Variants in PLEK observed in about 807,000 individuals in gnomAD.
The protein encoded by PLEK is pleckstrin, also known as platelet 47 kDa protein.
PLEK carries 25 observed loss-of-function variants against 43.9 expected under a neutral mutation model. The observed-to-expected ratio is 0.57, with a 90% CI of 0.41 to 0.79. PLEK has a LOEUF of 0.79. PLEK is among the 30% of genes least tolerant of loss of function. The pLI is 0.00. For synonymous variants in PLEK, 152 were observed against 144.4 expected, an observed-to-expected ratio of 1.05 and a Z score of -0.38; for missense variants, 396 against 413.3, an observed-to-expected ratio of 0.96 and a Z score of 0.36.
intron 1 of PLEK, among the ~76,000 whole-genome samples, chr2:68,378,866 A>C (rs962604757): frequency 2.0e-5 from 3 of 152,206 alleles, no homozygotes; most frequent in Non-Finnish European, 4.4e-5. Flanking sequence ...GCGATGGCTC[A>C]CACCTGTAAT....
intron 1 of PLEK, among the ~76,000 whole-genome samples, chr2:68,375,493 T>A (rs1047241957): frequency 6.6e-6 from 1 of 152,264 alleles, no homozygotes; most frequent in African/African-American, 2.4e-5. Flanking sequence ...GTGTCTGATC[T>A]TGCTCATTTT....
In PLEK at chr2:68,380,752, G is replaced by T; in HGVS notation, c.228G>T (p.Gln76His). Residue 76 changes from glutamine (Q) to histidine (H), a missense_variant, in exon 3 of 9, where the codon CAG becomes CAT. Gln to His is a conservative substitution (Grantham distance 24). Coordinates refer to ENST00000234313, the MANE Select transcript of PLEK (RefSeq NM_002664.3). ...TGTTTAAGATCACTACGACCAAACA[G>T]CAGGACCACTTCTTCCAGGCAGCCT... Reference protein sequence around the residue: ...MFVFKITTTKQQDHFFQAAFL... With the variant: ...MFVFKITTTKHQDHFFQAAFL... 6.2e-7 allele frequency: 1 copy of T among 1,613,960 alleles called. No individual in the cohort carries two copies. Among genetic ancestry groups the T allele is most frequent in the Non-Finnish European group, 8.5e-7 (1 of 1,179,878 alleles).
intron 7 of PLEK, 81 bp downstream of exon 7, chr2:68,393,326 A>C: frequency 3.2e-6 from 3 of 945,496 alleles, no homozygotes; most frequent in Non-Finnish European, 3.5e-6. Flanking sequence ...TCCCCTCTCT[A>C]CTCTGTTGAT....
At chr2:68,385,254 T>G (rs1673714392) in intron 4 of PLEK, among the ~76,000 whole-genome samples, 1 of 152,252 alleles carries the variant, frequency 6.6e-6, no homozygotes, top group African/African-American at 2.4e-5. Flanking sequence ...TATCTTTTTT[T>G]GTTGTAAGAA....
chr2:68,384,417 G>A (rs1673696375), intron 4 of PLEK, among the ~76,000 whole-genome samples: 1 of 152,044 alleles, frequency 6.6e-6, no homozygotes, highest in African/African-American at 2.4e-5. Flanking sequence ...TAGATTCGGG[G>A]TTTCACCATG....
chr2:68,367,599 G>A (rs1339871931), intron 1 of PLEK, among the ~76,000 whole-genome samples: 2 of 152,140 alleles, frequency 1.3e-5, no homozygotes, highest in Non-Finnish European at 2.9e-5. Context: ...CCTCACGTGT[G>A]GGTTAAAAAC....
At chr2:68,379,868 A>G (rs1435103206) in intron 1 of PLEK, among the ~76,000 whole-genome samples, 1 of 152,198 alleles carries the variant, frequency 6.6e-6, no homozygotes, top group East Asian at 1.9e-4. Flanking sequence ...TGTAATTGCC[A>G]TGGAGAAGGA....
In PLEK at chr2:68,396,185, G is replaced by A. The variant is rs562565186; in HGVS notation, c.*369G>A. The stretch of plus-strand genomic sequence containing the variant: ...AATCTGCCCCATGATTCTAACACTC[G>A]CAGTAGTGATAGTGTATCTAGTTGT... On this transcript the variant is annotated 3_prime_UTR_variant, in exon 9 of 9. Transcript: ENST00000234313. 78 of 194,858 alleles carry A rather than the reference G, an allele frequency of 4.0e-4. 3 individuals are homozygous for A. In the South Asian group the frequency reaches 6.6e-3, roughly 16 times the overall value. The allele number at this position is 194,858 out of a possible 1,614,324, so 12.1% of individuals were successfully genotyped here.
chr2:68,394,063 C>T (rs747944017), intron 7 of PLEK, 44 bp from the exon 8 acceptor site: 10 of 1,279,320 alleles, frequency 7.8e-6, no homozygotes, highest in South Asian at 7.1e-5. Flanking sequence ...TCTATCTATA[C>T]TCTGCATTTT....
chr2:68,386,437 G>A, intron 4 of PLEK, 65 bp from the exon 5 acceptor site: 1 of 1,305,740 alleles, frequency 7.7e-7, no homozygotes. Flanking sequence ...TCAGTTCAGG[G>A]GTGATTGTCA....
intron 1 of PLEK, among the ~76,000 whole-genome samples, chr2:68,371,946 G>A (rs950789345): frequency 1.3e-5 from 2 of 152,018 alleles, no homozygotes; most frequent in Non-Finnish European, 2.9e-5. Context: ...TTCTTTGATT[G>A]CAGTTGAAGC....
Position 68,395,886 on chromosome 2 carries a change from C to A in PLEK, c.*70C>A, listed in dbSNP as rs938078817. The A allele has an allele frequency of 4.3e-6, 6 of 1,380,738 alleles. No individual in the cohort carries two copies. Among genetic ancestry groups the A allele is most frequent in the East Asian group, 2.3e-5 (1 of 43,024 alleles). 85.5% of individuals were successfully genotyped at this position (1,380,738 alleles called of 1,614,324 possible). On this transcript the variant is annotated 3_prime_UTR_variant, in exon 9 of 9. Coordinates refer to ENST00000234313, the MANE Select transcript of PLEK (RefSeq NM_002664.3). ...ACAAGCTCAGTCCAGGACCTGTCCACTTCTGTGACAAATCAACGGGAAACA... is the reference window on the plus strand; with the variant it reads ...ACAAGCTCAGTCCAGGACCTGTCCAATTCTGTGACAAATCAACGGGAAACA...
intron 1 of PLEK, among the ~76,000 whole-genome samples, chr2:68,370,483 TTTTA>T (rs928007417): frequency 1.3e-5 from 2 of 152,122 alleles, no homozygotes; most frequent in African/African-American, 2.4e-5. Context: ...TTTATTTTTA[TTTTA>T]TTTATTTATG....
intron 1 of PLEK, among the ~76,000 whole-genome samples, chr2:68,373,203 A>G (rs1404149906): frequency 2.6e-5 from 4 of 152,214 alleles, no homozygotes; most frequent in African/African-American, 9.6e-5. Context: ...GGTGAAGAGG[A>G]GAGAAAAACC....
chr2:68,380,673 C>T (rs754264053), intron 2 of PLEK, 50 bp from the exon 3 acceptor site: 1 of 1,583,998 alleles, frequency 6.3e-7, no homozygotes, highest in Admixed American at 1.7e-5. Flanking sequence ...ATGAGGGGCC[C>T]CAAGCCCTTG....
Position 68,392,576 on chromosome 2 carries a change from A to C in PLEK, c.763-586A>C, listed in dbSNP as rs529718807. Among the ~76,000 whole-genome samples the C allele has an allele frequency of 7.2e-5, 11 of 152,270 alleles. 1 individual carries two copies. The East Asian group carries it at 2.1e-3, about 29-fold the overall frequency. ...TCTAGCCAGACTGGTCTTATTCATC[A>C]ACACCTGAGTATGTCTCTTGCATTC... On this transcript the variant is annotated intron_variant, in intron 6 of 8. Transcript: ENST00000234313.
chr2:68,377,543 A>G (rs1026240877), intron 1 of PLEK, among the ~76,000 whole-genome samples: 1 of 152,168 alleles, frequency 6.6e-6, no homozygotes. Flanking sequence ...ACCTTTTCAT[A>G]TGCACACTTG....
chr2:68,382,194 T>C (rs1231446278), intron 3 of PLEK, among the ~76,000 whole-genome samples: 2 of 152,124 alleles, frequency 1.3e-5, no homozygotes, highest in Non-Finnish European at 2.9e-5. Context: ...GTGTAGAAAA[T>C]GGACCCTAGG....
At chr2:68,386,772 A>C (rs1673752454) in intron 5 of PLEK, 86 bp downstream of exon 5, 3 of 1,071,744 alleles carry the variant, frequency 2.8e-6, no homozygotes, top group Non-Finnish European at 4.2e-6. Flanking sequence ...AGACATCTAT[A>C]GAGCGCTGTT....
Sources: gnomAD v4.1 joint callset for allele counts (sites outside exome capture counted in the v4.1 genomes callset) on GRCh38, gnomAD v4.1.1 for gene constraint, MANE v1.5 for transcripts, NCBI Gene and HGNC (gene_info 2026-07-23, HGNC 2026-07-21) for gene names.